Variants in CAND1 observed in about 807,000 individuals in gnomAD.
The protein encoded by CAND1 is cullin-associated NEDD8-dissociated protein 1.
CAND1 carries 7 observed loss-of-function variants against 108.5 expected under a neutral mutation model. The observed-to-expected ratio is 0.06, with a 90% CI of 0.04 to 0.12. The LOEUF is 0.12. Among genes scored for constraint, CAND1 ranks in the 10% least tolerant of loss-of-function variants. CAND1 has a pLI of 1.00. For missense variants in CAND1, 941 were observed against 1,448.7 expected (o/e 0.65, Z 5.69); for synonymous variants, 534 against 512.0 (o/e 1.04, Z -0.58).
intron 10 of CAND1, 34 bp downstream of exon 10, chr12:67,306,631 T>C (rs766285939): frequency 4.6e-6 from 7 of 1,508,902 alleles, no homozygotes; most frequent in Non-Finnish European, 5.4e-6. Flanking sequence ...TAAAAAGTTT[T>C]TTATTGATAG....
At chr12:67,279,933 T>G (rs2044604588) in intron 1 of CAND1, among the ~76,000 whole-genome samples, 1 of 152,216 alleles carries the variant, frequency 6.6e-6, no homozygotes, top group South Asian at 2.1e-4. Flanking sequence ...ATGGATTTTG[T>G]TTAAGTAAAA....
At position 67,306,174 on chromosome 12, in the gene CAND1, C is replaced by G; in HGVS notation, c.2506C>G (p.Leu836Val). Residue 836 changes from leucine (L) to valine (V), a missense_variant, in exon 10 of 15, where the codon CTC (leucine) becomes GTC (valine). Physicochemically the swap from Leu to Val is conservative, Grantham distance 32. Transcript: ENST00000545606. Reference sequence around the variant, plus strand: ...CTCAAGGTCTACAGATTCCATTCGTCTCTTAGCTCTACTTTCTCTTGGAGA... The same window carrying G: ...CTCAAGGTCTACAGATTCCATTCGTGTCTTAGCTCTACTTTCTCTTGGAGA... ...KNSRSTDSIR[L>V]LALLSLGEVG... 6.2e-7 allele frequency: 1 copy of G among 1,614,118 alleles called. No individual in the cohort carries two copies. Among genetic ancestry groups the G allele is most frequent in the Non-Finnish European group, 8.5e-7 (1 of 1,180,000 alleles).
chr12:67,283,033 C>G (rs1275644861), intron 2 of CAND1, among the ~76,000 whole-genome samples: 1 of 152,062 alleles, frequency 6.6e-6, no homozygotes, highest in Non-Finnish European at 1.5e-5. Flanking sequence ...ATTAGTATAA[C>G]CTTTAGCCTC....
At chr12:67,270,777 A>G (rs1298169253) in intron 1 of CAND1, 1 of 151,844 alleles carries the variant, frequency 6.6e-6, no homozygotes, top group Non-Finnish European at 1.5e-5. Flanking sequence ...TCTAAAAAAA[A>G]AAAAAAAAAG....
In CAND1 at chr12:67,318,111, A is replaced by C. The variant is rs2045026611; in HGVS notation, c.*5281A>C. On this transcript the variant is annotated 3_prime_UTR_variant, in exon 15 of 15. Transcript: ENST00000545606. ...AACATGGCGAAACCCCGTCTTTGCT[A>C]AAAAAACACAAAGAAATTAGCTAGA... 6.6e-6 allele frequency: 1 copy of C among 152,192 alleles called. No individual in the cohort carries two copies. The allele number at this position is 152,192 out of a possible 1,614,324, so 9.4% of individuals were successfully genotyped here. A position where few individuals can be genotyped will look rare whatever the true frequency, so the allele number is the denominator to read the frequency against.
intron 12 of CAND1, 21 bp from the exon 13 acceptor site, chr12:67,310,131 C>T (rs531482407): frequency 3.1e-5 from 50 of 1,610,270 alleles, no homozygotes; most frequent in East Asian, 2.2e-4. Flanking sequence ...TATATCCACA[C>T]GTTCTTTTTT....
chr12:67,313,061 G>A lies in CAND1; in HGVS notation c.*231G>A, dbSNP rs1309480981. The A allele has an allele frequency of 7.8e-6, 3 of 383,682 alleles. No homozygotes were observed. Among genetic ancestry groups the A allele is most frequent in the South Asian group, 6.0e-5 (1 of 16,798 alleles). The allele number at this position is 383,682 out of a possible 1,614,324, so 23.8% of individuals were successfully genotyped here. On this transcript the variant is annotated 3_prime_UTR_variant, in exon 15 of 15. Coordinates refer to ENST00000545606, the MANE Select transcript of CAND1 (RefSeq NM_018448.5). The stretch of plus-strand genomic sequence containing the variant: ...TTGTAAAACCACTAGTGTTTTAGTG[G>A]TTACAGCAACATTTGAAATGGAAAC...
chr12:67,269,591 G>C lies in CAND1; in HGVS notation c.-127G>C. The C allele has an allele frequency of 1.4e-6, 1 of 739,058 alleles. No homozygotes were observed. The highest frequency in any genetic ancestry group is 1.8e-5 in the South Asian group (1 of 55,442). The allele number at this position is 739,058 out of a possible 1,614,324, so 45.8% of individuals were successfully genotyped here. On this transcript the variant is annotated 5_prime_UTR_variant, in exon 1 of 15. Transcript: ENST00000545606. ...CGCCTCCCTAGTCAGCGTCGGCGTC[G>C]CGCTGCGACCCTGGAAGCGGGAGCC...
At chr12:67,290,994 G>A (rs989009928) in intron 2 of CAND1, among the ~76,000 whole-genome samples, 1 of 152,112 alleles carries the variant, frequency 6.6e-6, no homozygotes, top group Non-Finnish European at 1.5e-5. Context: ...ATCTGAGGTC[G>A]AACAGTTTGT....
At position 67,305,514 on chromosome 12, in the gene CAND1, T is replaced by C. The variant is rs1219197861; in HGVS notation, c.1846T>C (p.Leu616=). The change falls in exon 10 of 15, where the codon TTG becomes CTG. Residue 616 remains leucine, a synonymous_variant. Transcript: ENST00000545606. The surrounding 1 kb of genome is among the most constrained non-coding windows in gnomAD (Gnocchi z 4.4). ...SDLPNTLQIF[L]ERLKNEITRL... Reference sequence around the variant, plus strand: ...CTTGCCTAATACACTTCAGATTTTCTTGGAGAGACTAAAGAATGAAATTAC... The same window carrying C: ...CTTGCCTAATACACTTCAGATTTTCCTGGAGAGACTAAAGAATGAAATTAC... 1 of 1,613,976 alleles carries C rather than the reference T, an allele frequency of 6.2e-7. No individual in the cohort carries two copies. The highest frequency in any genetic ancestry group is 1.7e-5 in the Admixed American group (1 of 60,022).
chr12:67,285,130 CAGAA>C (rs2044658255), intron 2 of CAND1, among the ~76,000 whole-genome samples: 1 of 152,112 alleles, frequency 6.6e-6, no homozygotes, highest in African/African-American at 2.4e-5. Flanking sequence ...ATTATAGCAA[CAGAA>C]AGACAACATA....
chr12:67,279,239 C>G (rs1288597204), intron 1 of CAND1, among the ~76,000 whole-genome samples: 2 of 151,578 alleles, frequency 1.3e-5, no homozygotes. Context: ...CCTGTTCATC[C>G]TTTGAGATCC....
In CAND1 at chr12:67,292,652, A is replaced by C; in HGVS notation, c.243A>C (p.Glu81Asp). Reference protein sequence around the residue: ...CLGPLVSKVKEYQVETIVDTL... With the variant: ...CLGPLVSKVKDYQVETIVDTL... ...GTCCTTTAGTGAGTAAAGTGAAAGA[A>C]TACCAAGTAGAGACAATTGTAGATA... is the stretch of plus-strand genomic sequence containing the variant. Residue 81 changes from glutamate (E) to aspartate (D), a missense_variant, in exon 3 of 15, where the codon GAA becomes GAC. Physicochemically the swap from Glu to Asp is conservative, Grantham distance 45. Coordinates refer to ENST00000545606, the MANE Select transcript of CAND1 (RefSeq NM_018448.5). The C allele has an allele frequency of 6.2e-7, 1 of 1,612,378 alleles. No individual in the cohort carries two copies. The highest frequency in any genetic ancestry group is 8.5e-7 in the Non-Finnish European group (1 of 1,179,246).
chr12:67,311,936 A>G lies in CAND1; in HGVS notation c.3468+136A>G, dbSNP rs546857434. On this transcript the variant is annotated intron_variant, in intron 14 of 14. Coordinates refer to ENST00000545606, the MANE Select transcript of CAND1 (RefSeq NM_018448.5). ...TTGGTTTAAAAAGTTAACCTATCGA[A>G]TACTGATATTTTATAAAACTTAGCC... The G allele has an allele frequency of 1.1e-3, 639 of 572,564 alleles. 21 individuals carry two copies. The South Asian group carries it at 0.015, about 13-fold the overall frequency. The allele number at this position is 572,564 out of a possible 1,614,324, so 35.5% of individuals were successfully genotyped here.
rs1044844904 is a variant in CAND1, at chr12:67,302,660, A to G, written c.1293+45A>G. 34 of 1,518,698 alleles carry G rather than the reference A, an allele frequency of 2.2e-5. No homozygotes were observed. In the African/African-American group the frequency reaches 3.7e-4, roughly 17 times the overall value. The allele number at this position is 1,518,698 out of a possible 1,614,324, so 94.1% of individuals were successfully genotyped here. A position where few individuals can be genotyped will look rare whatever the true frequency, so the allele number is the denominator to read the frequency against. The stretch of plus-strand genomic sequence containing the variant: ...TTAGAAAATCATGATAGTAAATGCA[A>G]TGCTTTTAAAATTGTCTTTATATGG... On this transcript the variant is annotated intron_variant, in intron 8 of 14. Transcript: ENST00000545606.
intron 3 of CAND1, among the ~76,000 whole-genome samples, chr12:67,294,699 C>G (rs2044752769): frequency 6.6e-6 from 1 of 152,086 alleles, no homozygotes. Context: ...TGTCCTTTAC[C>G]CCTTCTGAAG....
In CAND1 at chr12:67,315,593, T is replaced by C. The variant is rs998120277; in HGVS notation, c.*2763T>C. On this transcript the variant is annotated 3_prime_UTR_variant, in exon 15 of 15. Coordinates refer to ENST00000545606, the MANE Select transcript of CAND1 (RefSeq NM_018448.5). ...TTTATTAATGATATCTGAAAGCTGC[T>C]TAACCATTAGGAATTACAATTCTTT... 6.6e-5 allele frequency: 10 copies of C among 152,208 alleles called. No homozygotes were observed. The highest frequency in any genetic ancestry group is 3.9e-4 in the Admixed American group (6 of 15,278). 9.4% of individuals were successfully genotyped at this position (152,208 alleles called of 1,614,324 possible).
At chr12:67,294,673 T>G (rs1420307246) in intron 3 of CAND1, among the ~76,000 whole-genome samples, 1 of 152,216 alleles carries the variant, frequency 6.6e-6, no homozygotes, top group African/African-American at 2.4e-5. Context: ...TCTGCTGACA[T>G]CTGTATTGTT....
chr12:67,290,672 T>A (rs185941362), intron 2 of CAND1, among the ~76,000 whole-genome samples: 1 of 152,314 alleles, frequency 6.6e-6, no homozygotes, highest in Non-Finnish European at 1.5e-5. Context: ...CCTTAGTTCA[T>A]CAACCAGATG....
Sources: gnomAD v4.1 joint callset for allele counts (sites outside exome capture counted in the v4.1 genomes callset) on GRCh38, gnomAD v4.1.1 for gene constraint, Gnocchi (gnomAD v3.1) non-coding constraint, MANE v1.5 for transcripts, NCBI Gene and HGNC (gene_info 2026-07-23, HGNC 2026-07-21) for gene names.